The following KIAA0319L variants were observed in gnomAD, a reference collection of about 807,000 sequenced individuals.
KIAA0319L encodes dyslexia-associated protein KIAA0319-like protein.
A neutral mutation model predicts 120.1 loss-of-function variants in KIAA0319L; 55 were observed. The ratio of observed to expected loss-of-function variants is 0.46; its 90% CI spans 0.37 to 0.57. KIAA0319L has a LOEUF of 0.57. KIAA0319L is among the 20% of genes least tolerant of loss of function. The pLI is 0.00. For missense variants in KIAA0319L, 1,049 were observed against 1,255.3 expected (o/e 0.84, Z 2.48); for synonymous variants, 398 against 471.9 (o/e 0.84, Z 2.03).
At chr1:35,465,961 G>A (rs1209528287) in intron 7 of KIAA0319L, among the ~76,000 whole-genome samples, 4 of 152,140 alleles carry the variant, frequency 2.6e-5, no homozygotes, top group East Asian at 1.9e-4. Context: ...CCCCAGCCAC[G>A]TGGAACTGTA....
In KIAA0319L at chr1:35,507,101, T is replaced by C. The variant is rs533792482; in HGVS notation, c.177A>G (p.Thr59=). The C allele has an allele frequency of 2.3e-5, 36 of 1,537,818 alleles. No homozygotes were observed. The South Asian group carries it at 4.5e-4, about 19-fold the overall frequency. The change falls in exon 3 of 21, where the codon ACA becomes ACG. Residue 59 remains threonine, a synonymous_variant. Transcript: ENST00000325722. Reference sequence around the variant, plus strand: ...CAGATCTCAGGCCAACTCCAAATTGTGTCTTCCCCTGCTGGCACCTGCTCT... The same window carrying C: ...CAGATCTCAGGCCAACTCCAAATTGCGTCTTCCCCTGCTGGCACCTGCTCT... ...ASESRCQQGK[T]QFGVGLRSGG... is the part of the protein sequence containing the mutation.
chr1:35,450,161 T>C (rs1641949492), intron 14 of KIAA0319L, among the ~76,000 whole-genome samples, 156 bp from the exon 15 acceptor site: 1 of 152,206 alleles, frequency 6.6e-6, no homozygotes, highest in South Asian at 2.1e-4. Flanking sequence ...CTACAACTGC[T>C]AGGATCAGGG....
intron 6 of KIAA0319L, among the ~76,000 whole-genome samples, chr1:35,468,054 C>T (rs1340678085): frequency 6.6e-6 from 1 of 152,122 alleles, no homozygotes; most frequent in Non-Finnish European, 1.5e-5. Flanking sequence ...TCAAATTTCA[C>T]ATAAGCATTT....
chr1:35,494,606 G>A (rs550523115), intron 3 of KIAA0319L, among the ~76,000 whole-genome samples: 6 of 150,940 alleles, frequency 4.0e-5, no homozygotes, highest in South Asian at 4.2e-4. Context: ...ACCAGCCTGC[G>A]CAACATGGTG....
At chr1:35,535,096 TAAAAAAA>T (rs56965473) in intron 2 of KIAA0319L, among the ~76,000 whole-genome samples, 8 of 56,326 alleles carry the variant, frequency 1.4e-4, no homozygotes, top group Non-Finnish European at 2.0e-4. Flanking sequence ...GACTCCGTCT[TAAAAAAA>T]AAAAAAAAAA....
intron 3 of KIAA0319L, among the ~76,000 whole-genome samples, chr1:35,498,809 AAC>A (rs1644902500): frequency 6.6e-6 from 1 of 152,226 alleles, no homozygotes; most frequent in Non-Finnish European, 1.5e-5. Context: ...AATATTAAAC[AAC>A]AGTTTATAAA....
rs762921649 is a variant in KIAA0319L at position 35,449,841 on chromosome 1, T to C, written c.2353+26A>G. On this transcript the variant is annotated intron_variant, in intron 15 of 20. Transcript: ENST00000325722. Reference sequence around the variant, plus strand: ...TGATTGGCTGATTCAGCAATTCTACTCAGCCTCATCACTAAATGAACTCAC... The same window carrying C: ...TGATTGGCTGATTCAGCAATTCTACCCAGCCTCATCACTAAATGAACTCAC... 4 of 1,613,084 alleles carry C rather than the reference T, an allele frequency of 2.5e-6. No homozygotes were observed. In the East Asian group the frequency reaches 8.9e-5, roughly 36 times the overall value.
chr1:35,545,781 G>A lies in KIAA0319L; in HGVS notation c.142+8569C>T, dbSNP rs1646958988. Reference sequence around the variant, plus strand: ...GTGGTGGCAGGTGCCTGTAATCCCAGCTACTCAGGAGGCTGAGGCAGGAGA... The same window carrying A: ...GTGGTGGCAGGTGCCTGTAATCCCAACTACTCAGGAGGCTGAGGCAGGAGA... On this transcript the variant is annotated intron_variant, in intron 2 of 20. Transcript: ENST00000325722. Among the ~76,000 whole-genome samples, 3 of 152,122 alleles carry A rather than the reference G, an allele frequency of 2.0e-5. 1 individual carries two copies. In the South Asian group the frequency reaches 6.2e-4, roughly 32 times the overall value.
chr1:35,470,713 T>C, intron 6 of KIAA0319L, 150 bp downstream of exon 6: 1 of 612,298 alleles, frequency 1.6e-6, no homozygotes, highest in Non-Finnish European at 3.0e-6. Flanking sequence ...CACTAACAAA[T>C]ACTGGATGTC....
chr1:35,541,301 A>T (rs1447448595), intron 2 of KIAA0319L, among the ~76,000 whole-genome samples: 1 of 150,946 alleles, frequency 6.6e-6, no homozygotes, highest in Non-Finnish European at 1.5e-5. Context: ...TTTTGAAGGA[A>T]GGAAGCACAG....
intron 3 of KIAA0319L, among the ~76,000 whole-genome samples, chr1:35,488,583 C>T (rs754100930): frequency 9.9e-5 from 15 of 151,948 alleles, no homozygotes; most frequent in Non-Finnish European, 1.5e-4. Flanking sequence ...GGATGAACTA[C>T]GACAGGAAGA....
intron 2 of KIAA0319L, among the ~76,000 whole-genome samples, chr1:35,519,982 C>T (rs541977020): frequency 1.9e-4 from 29 of 152,342 alleles, no homozygotes; most frequent in African/African-American, 6.7e-4. Flanking sequence ...ACTGATCTCA[C>T]TCTAAGTAAA....
chr1:35,467,103 TG>T (rs1643317216), intron 6 of KIAA0319L, among the ~76,000 whole-genome samples: 1 of 144,496 alleles, frequency 6.9e-6, no homozygotes, highest in East Asian at 2.0e-4. Context: ...AACAACGAAC[TG>T]AAAAAAAAAA....
chr1:35,540,474 A>T (rs1272429457), intron 2 of KIAA0319L, among the ~76,000 whole-genome samples: 1 of 152,182 alleles, frequency 6.6e-6, no homozygotes, highest in Non-Finnish European at 1.5e-5. Flanking sequence ...CGCCCATGAA[A>T]TCACCACAGG....
upstream of KIAA0319L, chr1:35,557,541 A>C (rs1414570833): frequency 2.6e-6 from 1 of 392,102 alleles, no homozygotes; most frequent in African/African-American, 2.1e-5. Context: ...GGCGGGTAAA[A>C]CTACGCACAA....
At chr1:35,450,600 G>A in intron 13 of KIAA0319L, 91 bp from the exon 14 acceptor site, 2 of 1,286,102 alleles carry the variant, frequency 1.6e-6, no homozygotes, top group Non-Finnish European at 2.2e-6. Context: ...AAAACATCAA[G>A]AGTACCTTAA....
rs546371045 is a variant in KIAA0319L at position 35,436,735 on chromosome 1, G to A, written c.2963-1654C>T. ...GCTGAATGTAAAGGGGGCCTCCTGA[G>A]GGGGGCAGCCCTACACTTACCAGGT... On this transcript the variant is annotated intron_variant, in intron 20 of 20. Transcript: ENST00000325722. 2.6e-5 allele frequency among the ~76,000 whole-genome samples: 4 copies of A among 152,302 alleles called. No individual in the cohort carries two copies. The East Asian group carries it at 7.7e-4, about 29-fold the overall frequency.
intron 2 of KIAA0319L, among the ~76,000 whole-genome samples, chr1:35,527,696 T>C (rs543901126): frequency 1.3e-5 from 2 of 152,186 alleles, no homozygotes; most frequent in African/African-American, 2.4e-5. Flanking sequence ...GTATAGTTCA[T>C]GTTCTCTGAT....
In KIAA0319L at chr1:35,470,885, G is replaced by T. The variant is rs1042570294; in HGVS notation, c.1091C>A (p.Ser364Tyr). ...CACCTTCGATAGTTTGAGGATCTGG[G>T]AATGTTTCCCTTCCATTTCTCCACT... is the stretch of plus-strand genomic sequence containing the variant. ...DYSGEMEGKH[S>Y]QILKLSKLTP... Residue 364 changes from serine to tyrosine, a missense_variant, in exon 6 of 21, where the codon TCC becomes TAC. Transcript: ENST00000325722. 13 of 1,611,908 alleles carry T rather than the reference G, an allele frequency of 8.1e-6. No individual in the cohort carries two copies. In the East Asian group the frequency reaches 1.3e-4, roughly 17 times the overall value.
Sources: allele counts gnomAD v4.1 joint callset (sites outside exome capture counted in the v4.1 genomes callset), GRCh38; gene constraint gnomAD v4.1.1; transcripts MANE v1.5; gene names NCBI Gene and HGNC (gene_info 2026-07-23, HGNC 2026-07-21).